TENM4: variants seen among roughly 807,000 people sequenced by gnomAD.
The protein encoded by TENM4 is teneurin-4.
In TENM4, 82 loss-of-function variants were observed where a neutral mutation model predicts 243.3. The ratio of observed to expected loss-of-function variants is 0.34; its 90% CI spans 0.28 to 0.40. The LOEUF (loss-of-function observed/expected upper bound fraction) is 0.40. Among genes scored for constraint, TENM4 ranks in the 10% least tolerant of loss-of-function variants. The probability of loss-of-function intolerance (pLI) is 1.00; values close to 1 mark genes in which losing one functional copy is unlikely to be tolerated. For missense variants in TENM4, 3,138 were observed against 3,673.3 expected (o/e 0.85, Z 3.77); for synonymous variants, 1,412 against 1,456.3 (o/e 0.97, Z 0.69).
intron 3 of TENM4, among the ~76,000 whole-genome samples, chr11:79,200,143 G>A (rs1346559515): frequency 6.6e-6 from 1 of 152,202 alleles, no homozygotes; most frequent in Non-Finnish European, 1.5e-5. Context: ...AATAGCAGTG[G>A]TTATTCAGGG....
intron 12 of TENM4, among the ~76,000 whole-genome samples, chr11:78,845,620 G>A (rs1199294341): frequency 6.6e-6 from 1 of 152,068 alleles, no homozygotes; most frequent in African/African-American, 2.4e-5. Context: ...CCGAACAGGC[G>A]GCCTCACATT....
At chr11:79,292,612 G>T (rs1408625276) in intron 2 of TENM4, among the ~76,000 whole-genome samples, 3 of 152,224 alleles carry the variant, frequency 2.0e-5, no homozygotes, top group African/African-American at 7.2e-5. Context: ...CTCTGAAGGG[G>T]CCATGGGCAT....
At chr11:79,171,661 C>A (rs1386547745) in intron 3 of TENM4, among the ~76,000 whole-genome samples, 6 of 152,112 alleles carry the variant, frequency 3.9e-5, no homozygotes, top group Non-Finnish European at 7.4e-5. Context: ...GACAATCAGA[C>A]AGGGGGATTG....
chr11:79,250,169 T>G (rs1380580006), intron 2 of TENM4, among the ~76,000 whole-genome samples: 1 of 152,152 alleles, frequency 6.6e-6, no homozygotes, highest in African/African-American at 2.4e-5. Flanking sequence ...GTATTTTTAG[T>G]AGAGACAGGT....
intron 4 of TENM4, among the ~76,000 whole-genome samples, chr11:79,105,446 T>C (rs1861342019): frequency 6.6e-6 from 1 of 152,228 alleles, no homozygotes; most frequent in African/African-American, 2.4e-5. Flanking sequence ...CCCTCCCAGC[T>C]CTGCCCTGCC....
chr11:79,046,922 C>T (rs1211239205), intron 6 of TENM4, among the ~76,000 whole-genome samples: 1 of 152,150 alleles, frequency 6.6e-6, no homozygotes, highest in Non-Finnish European at 1.5e-5. Flanking sequence ...CTTTCTGGGC[C>T]TCCATCTAGC....
chr11:79,190,651 G>A (rs73508628), intron 3 of TENM4, among the ~76,000 whole-genome samples: 1,791 of 152,266 alleles, frequency 0.012, 39 homozygotes, highest in African/African-American at 0.04. Context: ...AATGTGGAAG[G>A]AATCACATAA....
rs114805917 is a variant in TENM4, at chr11:79,147,018, T to C, written c.-66+1692A>G. ...ATGCACACACATGCATAGACGTGTG[T>C]ATACAGATATGTACATGCATGCATA... On this transcript the variant is annotated intron_variant, in intron 4 of 33. Transcript: ENST00000278550. 5.6e-3 allele frequency among the ~76,000 whole-genome samples: 856 copies of C among 152,208 alleles called. 12 individuals carry two copies. The highest frequency in any genetic ancestry group is 0.019 in the African/African-American group (804 of 41,550).
chr11:79,338,386 T>C (rs1857188541), intron 1 of TENM4, among the ~76,000 whole-genome samples: 1 of 152,208 alleles, frequency 6.6e-6, no homozygotes, highest in Admixed American at 6.5e-5. Flanking sequence ...CGTTCAGCAC[T>C]GGGAAGTAAG....
At chr11:79,231,119 A>G (rs1864365158) in intron 2 of TENM4, among the ~76,000 whole-genome samples, 1 of 152,246 alleles carries the variant, frequency 6.6e-6, no homozygotes, top group Non-Finnish European at 1.5e-5. Context: ...AAGAAAGAAA[A>G]TAAAGTAAAA....
At chr11:79,285,928 G>A (rs1856242073) in intron 2 of TENM4, among the ~76,000 whole-genome samples, 1 of 152,080 alleles carries the variant, frequency 6.6e-6, no homozygotes, top group African/African-American at 2.4e-5. Flanking sequence ...TTCTTTTTTG[G>A]GGTGATGAAA....
intron 6 of TENM4, among the ~76,000 whole-genome samples, chr11:78,951,195 C>T (rs527593122): frequency 1.1e-3 from 163 of 152,358 alleles, no homozygotes; most frequent in Middle Eastern, 6.8e-3. Context: ...CCCCTGTCTG[C>T]GCAGAGGACT....
chr11:78,693,700 C>G (rs931385723), intron 28 of TENM4, among the ~76,000 whole-genome samples: 1 of 152,144 alleles, frequency 6.6e-6, no homozygotes, highest in Non-Finnish European at 1.5e-5. Flanking sequence ...CTTTGGAGCA[C>G]AGTGAAAGAA....
chr11:79,161,684 G>T (rs753260390), intron 3 of TENM4, among the ~76,000 whole-genome samples: 11 of 152,188 alleles, frequency 7.2e-5, no homozygotes, highest in Admixed American at 3.9e-4. Flanking sequence ...CAGACTTTTA[G>T]CCTGTCCAAC....
At chr11:79,112,351 G>A (rs1168635508) in intron 4 of TENM4, among the ~76,000 whole-genome samples, 1 of 152,208 alleles carries the variant, frequency 6.6e-6, no homozygotes, top group East Asian at 1.9e-4. Flanking sequence ...CACAGAGAGT[G>A]TAAACTGAGA....
At chr11:79,389,887 C>T (rs1430793332) in intron 1 of TENM4, among the ~76,000 whole-genome samples, 1 of 152,156 alleles carries the variant, frequency 6.6e-6, no homozygotes, top group Non-Finnish European at 1.5e-5. Context: ...CAATTTCACC[C>T]CTTGGATTGT....
chr11:79,240,293 T>C lies in TENM4; in HGVS notation c.-264-24384A>G, dbSNP rs540875176. ...GTGGATTCTCAGCACTTCCATGACA[T>C]GGACTCTACCCTAACATTGGCTGGG... On this transcript the variant is annotated intron_variant, in intron 2 of 33. Coordinates refer to ENST00000278550, the MANE Select transcript of TENM4 (RefSeq NM_001098816.3). 8.1e-4 allele frequency among the ~76,000 whole-genome samples: 124 copies of C among 152,296 alleles called. 3 individuals carry two copies. In the South Asian group the frequency reaches 0.025, roughly 31 times the overall value.
intron 2 of TENM4, among the ~76,000 whole-genome samples, chr11:79,242,473 T>A (rs553309703): frequency 1.9e-4 from 29 of 152,344 alleles, no homozygotes; most frequent in Middle Eastern, 3.4e-3. Flanking sequence ...ACAGTTTGTG[T>A]GTGTGTTTTT....
At chr11:78,885,127 G>T (rs1281891193) in intron 9 of TENM4, among the ~76,000 whole-genome samples, 1 of 152,102 alleles carries the variant, frequency 6.6e-6, no homozygotes, top group Non-Finnish European at 1.5e-5. Context: ...TTAACAACTG[G>T]CAGTACAAGC....
Sources: gnomAD v4.1 joint callset for allele counts (sites outside exome capture counted in the v4.1 genomes callset) on GRCh38, gnomAD v4.1.1 for gene constraint, MANE v1.5 for transcripts, NCBI Gene and HGNC (gene_info 2026-07-23, HGNC 2026-07-21) for gene names.